YEATS2: variants seen among roughly 807,000 people sequenced by gnomAD.
YEATS2 encodes YEATS domain containing 2, also known as YEATS domain-containing protein 2.
Under a neutral mutation model 163.2 loss-of-function variants are expected in YEATS2, and 77 were observed. The ratio of observed to expected loss-of-function variants is 0.47; its 90% CI spans 0.39 to 0.57. The LOEUF (loss-of-function observed/expected upper bound fraction) is 0.57. YEATS2 is among the 20% of genes least tolerant of loss of function. The pLI, the probability that YEATS2 is intolerant of heterozygous loss-of-function variation, is 0.00. For missense variants in YEATS2, 1,549 were observed against 1,729.8 expected (o/e 0.90, Z 1.85); for synonymous variants, 631 against 645.1 (o/e 0.98, Z 0.33).
In YEATS2 at chr3:183,800,513, G is replaced by T. The variant is rs1419031851; in HGVS notation, c.3373G>T (p.Gly1125Cys). Residue 1125 changes from glycine (G) to cysteine (C), a missense_variant, in exon 24 of 31, where the codon GGT becomes TGT. Gly to Cys is a radical substitution (Grantham distance 159). Transcript: ENST00000305135. ...TPGPSCLSQE[G>C]QTAVKTEESS... is the part of the protein sequence containing the mutation. ...TGGACCGAGTTGCCTCTCTCAGGAGGGTCAGACAGCAGTGAAAACAGAAGA... is the reference window on the plus strand; with the variant it reads ...TGGACCGAGTTGCCTCTCTCAGGAGTGTCAGACAGCAGTGAAAACAGAAGA... 2 of 1,614,122 alleles carry T rather than the reference G, an allele frequency of 1.2e-6. No individual in the cohort carries two copies. The highest frequency in any genetic ancestry group is 2.2e-5 in the South Asian group (2 of 91,080).
chr3:183,715,747 T>A (rs957532325), intron 2 of YEATS2, among the ~76,000 whole-genome samples: 1 of 152,204 alleles, frequency 6.6e-6, no homozygotes, highest in East Asian at 1.9e-4. Flanking sequence ...ATGTGGTAGC[T>A]ATCTTGAAGG....
chr3:183,789,721 A>G (rs1307388840), intron 20 of YEATS2, among the ~76,000 whole-genome samples: 3 of 145,394 alleles, frequency 2.1e-5, no homozygotes, highest in Admixed American at 6.9e-5. Context: ...TTTTTGTATT[A>G]GTAGAGATGG....
chr3:183,769,676 A>G (rs1340881006), intron 15 of YEATS2, among the ~76,000 whole-genome samples: 2 of 152,122 alleles, frequency 1.3e-5, no homozygotes, highest in East Asian at 3.9e-4. Flanking sequence ...ATAATATTTG[A>G]TTAAGGGACT....
chr3:183,802,119 C>T (rs73887519), intron 25 of YEATS2: 5,245 of 152,370 alleles, frequency 0.034, 311 homozygotes, highest in African/African-American at 0.12. Context: ...TGACGTGCTG[C>T]GTCACTGCCC....
chr3:183,782,094 C>T (rs978244914), intron 19 of YEATS2, among the ~76,000 whole-genome samples: 8 of 151,774 alleles, frequency 5.3e-5, no homozygotes, highest in Admixed American at 1.3e-4. Context: ...CTTTTTTATT[C>T]TTGAGTTAAT....
intron 21 of YEATS2, among the ~76,000 whole-genome samples, chr3:183,797,316 G>A (rs1725248391): frequency 6.6e-6 from 1 of 150,428 alleles, no homozygotes; most frequent in Admixed American, 6.6e-5. Flanking sequence ...GCCATGGTGG[G>A]AGGATCGCTC....
At chr3:183,779,185 A>G (rs1438389423) in intron 19 of YEATS2, among the ~76,000 whole-genome samples, 1 of 152,242 alleles carries the variant, frequency 6.6e-6, no homozygotes, top group African/African-American at 2.4e-5. Context: ...CTGGGATTAC[A>G]GGCACAAGCC....
chr3:183,730,047 TG>T (rs1717567775), intron 7 of YEATS2, among the ~76,000 whole-genome samples: 3 of 71,888 alleles, frequency 4.2e-5, no homozygotes, highest in African/African-American at 9.7e-5. Context: ...TGTGGTTTTT[TG>T]TTTGTTTTTT....
Position 183,809,092 on chromosome 3 carries a change from T to C in YEATS2, c.4087-5T>C. The C allele has an allele frequency of 6.2e-7, 1 of 1,614,102 alleles. No individual in the cohort carries two copies. ...TTTGAAGAATAACAGCATCTTCCATTGTAGGCTACAGAACAGCTGGTGAAT... is the reference window on the plus strand; with the variant it reads ...TTTGAAGAATAACAGCATCTTCCATCGTAGGCTACAGAACAGCTGGTGAAT... On this transcript the variant is annotated splice_polypyrimidine_tract_variant and splice_region_variant and intron_variant, in intron 29 of 30. Transcript: ENST00000305135.
At chr3:183,743,782 T>C (rs1035846212) in intron 8 of YEATS2, among the ~76,000 whole-genome samples, 2 of 152,204 alleles carry the variant, frequency 1.3e-5, no homozygotes, top group African/African-American at 4.8e-5. Flanking sequence ...ACCCTTACTT[T>C]GTGGTTTATC....
At chr3:183,734,643 G>T (rs1000032770) in intron 7 of YEATS2, among the ~76,000 whole-genome samples, 1 of 152,198 alleles carries the variant, frequency 6.6e-6, no homozygotes, top group African/African-American at 2.4e-5. Flanking sequence ...GAATTAACAT[G>T]CAGGAGGTAG....
intron 8 of YEATS2, among the ~76,000 whole-genome samples, chr3:183,745,811 G>A (rs1161580056): frequency 6.6e-6 from 1 of 151,970 alleles, no homozygotes; most frequent in Non-Finnish European, 1.5e-5. Context: ...TTGTCCTTTT[G>A]TCGTAGTGTT....
chr3:183,731,777 G>A (rs1360958467), intron 7 of YEATS2, among the ~76,000 whole-genome samples: 1 of 152,132 alleles, frequency 6.6e-6, no homozygotes, highest in East Asian at 1.9e-4. Context: ...TGACGTCATC[G>A]AAATAGCCTG....
intron 20 of YEATS2, among the ~76,000 whole-genome samples, chr3:183,789,763 T>C (rs1307611356): frequency 2.0e-5 from 3 of 151,608 alleles, no homozygotes; most frequent in African/African-American, 2.4e-5. Flanking sequence ...AGGGTCTTGC[T>C]CTCCTGACCT....
In YEATS2 at chr3:183,747,660, G is replaced by A. The variant is rs776407256; in HGVS notation, c.925-12G>A. Reference sequence around the variant, plus strand: ...AGTGAAATTTAACACTCTCCCTTTTGTCTTTCCATAGCTGGATAGAACTTA... The same window carrying A: ...AGTGAAATTTAACACTCTCCCTTTTATCTTTCCATAGCTGGATAGAACTTA... On this transcript the variant is annotated splice_polypyrimidine_tract_variant and intron_variant, in intron 8 of 30. Transcript: ENST00000305135. 17 of 1,609,972 alleles carry A rather than the reference G, an allele frequency of 1.1e-5. No individual in the cohort carries two copies. Among genetic ancestry groups the A allele is most frequent in the Non-Finnish European group, 1.1e-5 (13 of 1,177,176 alleles).
Position 183,752,118 on chromosome 3 carries a change from A to G in YEATS2, c.1015A>G (p.Ile339Val), listed in dbSNP as rs200866981. Residue 339 changes from isoleucine (I) to valine (V), a missense_variant, in exon 10 of 31, where the codon ATC becomes GTC. By Grantham distance (29) the Ile-to-Val change is conservative. Transcript: ENST00000305135. ...LHRHSLGEDCIYPQSSESDIS... is the reference protein window; with the variant it reads ...LHRHSLGEDCVYPQSSESDIS... ...TCGCCATTCTCTCGGAGAAGACTGT[A>G]TCTATCCTCAGTCCTCGGAGTCTGA... 337 of 1,614,134 alleles carry G rather than the reference A, an allele frequency of 2.1e-4. 1 individual carries two copies. The East Asian group carries it at 7.4e-3, about 36-fold the overall frequency.
chr3:183,802,507 G>GTA (rs1300540152), intron 25 of YEATS2: 2 of 62,396 alleles, frequency 3.2e-5, no homozygotes, highest in Non-Finnish European at 3.6e-5. Flanking sequence ...GTGTGTGTGT[G>GTA]TGTATACATG....
rs556876187 is a variant in YEATS2 at position 183,800,857 on chromosome 3, G to A, written c.3428+289G>A. On this transcript the variant is annotated intron_variant, in intron 24 of 30. Coordinates refer to ENST00000305135, the MANE Select transcript of YEATS2 (RefSeq NM_018023.5). ...AACATGGGCTTTCTCTGCTGAGCCC[G>A]TAGGCACAAAATTTCTCCTGTTGCC... 39 of 302,882 alleles carry A rather than the reference G, an allele frequency of 1.3e-4. 1 individual carries two copies. The East Asian group carries it at 2.2e-3, about 17-fold the overall frequency. The allele number at this position is 302,882 out of a possible 1,614,324, so 18.8% of individuals were successfully genotyped here.
intron 12 of YEATS2, among the ~76,000 whole-genome samples, chr3:183,758,131 G>A (rs1720955883): frequency 6.6e-6 from 1 of 152,206 alleles, no homozygotes; most frequent in Non-Finnish European, 1.5e-5. Context: ...GCCAAGGTGG[G>A]CGGATCACCT....
Sources: allele counts gnomAD v4.1 joint callset (sites outside exome capture counted in the v4.1 genomes callset), GRCh38; gene constraint gnomAD v4.1.1; transcripts MANE v1.5; gene names NCBI Gene and HGNC (gene_info 2026-07-23, HGNC 2026-07-21).